Variants in SEL1L observed in about 807,000 individuals in gnomAD.
SEL1L encodes the protein SEL1L adaptor subunit of SYVN1 ubiquitin ligase.
Under a neutral mutation model 109.8 loss-of-function variants are expected in SEL1L, and 52 were observed. That is an observed-to-expected ratio of 0.47 (90% CI 0.38 to 0.60). The LOEUF (loss-of-function observed/expected upper bound fraction) is 0.60, where lower values mean the gene tolerates loss of function less well. Among genes scored for constraint, SEL1L ranks in the 20% least tolerant of loss-of-function variants. The pLI is 0.00. For missense variants in SEL1L, 749 were observed against 962.2 expected, an observed-to-expected ratio of 0.78 and a Z score of 2.93; for synonymous variants, 373 against 339.6, an observed-to-expected ratio of 1.10 and a Z score of -1.08.
At position 81,504,293 on chromosome 14, in the gene SEL1L, A is replaced by G. The variant is rs980785937; in HGVS notation, c.522T>C (p.Ala174=). ...CTTCCTGCATCTGCCGTCTCTTAGC[A>G]GCCTCTTCTTCAGCTAAAAACAAAA... ...KWGFCETEEE[A]AKRRQMQEAE... is the part of the protein sequence containing the mutation. The change falls in exon 5 of 21, where the codon GCT becomes GCC. Residue 174 remains alanine, a synonymous_variant. Transcript: ENST00000336735. The G allele has an allele frequency of 1.9e-6, 3 of 1,593,624 alleles. No homozygotes were observed. Among genetic ancestry groups the G allele is most frequent in the Admixed American group, 1.8e-5 (1 of 56,552 alleles).
At chr14:81,500,811 T>C (rs207475010) in intron 6 of SEL1L, among the ~76,000 whole-genome samples, 1 of 152,098 alleles carries the variant, frequency 6.6e-6, no homozygotes, top group Admixed American at 6.6e-5. Flanking sequence ...AAAAGGCTGC[T>C]CTACAATGTT....
chr14:81,517,937 TTC>T (rs200467483), intron 3 of SEL1L, among the ~76,000 whole-genome samples: 4 of 151,942 alleles, frequency 2.6e-5, no homozygotes, highest in African/African-American at 7.2e-5. Context: ...GAACTTCTTC[TTC>T]TTTTTTTTTG....
At chr14:81,515,877 A>C (rs971791160) in intron 3 of SEL1L, among the ~76,000 whole-genome samples, 1 of 152,204 alleles carries the variant, frequency 6.6e-6, no homozygotes, top group Non-Finnish European at 1.5e-5. Flanking sequence ...CAAGAGGAAC[A>C]GGCCAAAAAG....
chr14:81,484,084 C>T, intron 19 of SEL1L, 141 bp downstream of exon 19: 1 of 834,040 alleles, frequency 1.2e-6, no homozygotes, highest in African/African-American at 1.7e-5. Flanking sequence ...GGGCAGTCTT[C>T]TGAAATATTA....
rs1188853675 is a variant in SEL1L, at chr14:81,495,185, C to T, written c.1129-48G>A. On this transcript the variant is annotated intron_variant, in intron 10 of 20. Transcript: ENST00000336735. ...CAAAAGTAAGTGGTACCATCTGGCA[C>T]ACAATTAAAATCAGACCAACAAGAA... is the stretch of plus-strand genomic sequence containing the variant. 2.6e-6 allele frequency: 4 copies of T among 1,541,456 alleles called. No homozygotes were observed. In the African/African-American group the frequency reaches 4.1e-5, roughly 16 times the overall value.
rs77868866 is a variant in SEL1L, at chr14:81,512,881, G to A, written c.341-6640C>T. 9.9e-3 allele frequency among the ~76,000 whole-genome samples: 1,506 copies of A among 152,294 alleles called. 22 individuals carry two copies. The highest frequency in any genetic ancestry group is 0.034 in the African/African-American group (1,418 of 41,530). ...TGATATGCAGAAAACAGTTAACACA[G>A]CAAGCCTGACTAGTTATCTTTTGAA... On this transcript the variant is annotated intron_variant, in intron 3 of 20. Transcript: ENST00000336735.
At chr14:81,480,596 G>A (rs1284228915) in intron 19 of SEL1L, among the ~76,000 whole-genome samples, 1 of 152,120 alleles carries the variant, frequency 6.6e-6, no homozygotes, top group Non-Finnish European at 1.5e-5. Flanking sequence ...GCGCCTGCCT[G>A]TAGTCCCAGC....
chr14:81,499,214 T>G (rs1445762611), intron 8 of SEL1L: 1 of 1,202,464 alleles, frequency 8.3e-7, no homozygotes, highest in Non-Finnish European at 1.0e-6. Flanking sequence ...TTATCAGATC[T>G]CTCTTTTTAG....
At chr14:81,528,203 T>C (rs1885187216) in intron 1 of SEL1L, among the ~76,000 whole-genome samples, 1 of 152,216 alleles carries the variant, frequency 6.6e-6, no homozygotes, top group Non-Finnish European at 1.5e-5. Flanking sequence ...TTGTATTGTT[T>C]ACTACTATAG....
At chr14:81,518,462 C>T (rs967691834) in intron 3 of SEL1L, among the ~76,000 whole-genome samples, 2 of 151,412 alleles carry the variant, frequency 1.3e-5, no homozygotes, top group Non-Finnish European at 2.9e-5. Flanking sequence ...GAGTTCGAGA[C>T]CAGCCTGGCC....
chr14:81,529,729 A>G (rs752341225), intron 1 of SEL1L, among the ~76,000 whole-genome samples: 5 of 152,202 alleles, frequency 3.3e-5, no homozygotes, highest in Non-Finnish European at 7.3e-5. Context: ...CTCAGTTACT[A>G]AACTGGGAAA....
chr14:81,492,986 A>G (rs1053663959), intron 11 of SEL1L, among the ~76,000 whole-genome samples: 2 of 152,230 alleles, frequency 1.3e-5, no homozygotes, highest in African/African-American at 2.4e-5. Context: ...AAAGGAATAC[A>G]TTCCTCTTGT....
intron 19 of SEL1L, among the ~76,000 whole-genome samples, chr14:81,481,303 G>A (rs901947636): frequency 6.6e-6 from 1 of 152,012 alleles, no homozygotes; most frequent in Non-Finnish European, 1.5e-5. Context: ...AGGAAGAAAG[G>A]TTAAAGACCA....
chr14:81,530,739 C>T (rs111689268), intron 1 of SEL1L, among the ~76,000 whole-genome samples: 10 of 152,260 alleles, frequency 6.6e-5, no homozygotes, highest in African/African-American at 2.4e-4. Flanking sequence ...AGCCATGTGT[C>T]AATGACGAGG....
chr14:81,497,258 A>G (rs1883801301), intron 10 of SEL1L, among the ~76,000 whole-genome samples: 1 of 152,214 alleles, frequency 6.6e-6, no homozygotes, highest in Non-Finnish European at 1.5e-5. Context: ...TAAGTATCTA[A>G]TGCTCATCTG....
Position 81,526,755 on chromosome 14 carries a change from C to T in SEL1L, c.318G>A (p.Glu106=). Residue 106 remains glutamate, a synonymous_variant, in exon 3 of 21, where the codon GAG becomes GAA. Transcript: ENST00000336735. ...TACCTGGTTTCCGTACTTTCTTTGGCTCTTCATAGTCCTTGTTTTCTGGAT... is the reference window on the plus strand; with the variant it reads ...TACCTGGTTTCCGTACTTTCTTTGGTTCTTCATAGTCCTTGTTTTCTGGAT... ...SPNPENKDYE[E]PKKVRKPALT... The T allele has an allele frequency of 6.2e-7, 1 of 1,612,306 alleles. No individual in the cohort carries two copies.
chr14:81,486,049 T>C (rs901851069), intron 17 of SEL1L, among the ~76,000 whole-genome samples: 2 of 152,170 alleles, frequency 1.3e-5, no homozygotes, highest in Non-Finnish European at 2.9e-5. Flanking sequence ...TTTTGAAAAA[T>C]ACATTTATGC....
At chr14:81,517,366 G>A (rs1359649904) in intron 3 of SEL1L, among the ~76,000 whole-genome samples, 1 of 152,120 alleles carries the variant, frequency 6.6e-6, no homozygotes, top group Admixed American at 6.6e-5. Flanking sequence ...CCCAAGGATG[G>A]GCCAAACCAA....
Position 81,489,316 on chromosome 14 carries a change from T to C in SEL1L, c.1333-2A>G, listed in dbSNP as rs1883454363. ...CCCACTCTGTCCAACTGGGTTGCCCTGCAAAGCAGAGAAATCAGACAAAAG... is the reference window on the plus strand; with the variant it reads ...CCCACTCTGTCCAACTGGGTTGCCCCGCAAAGCAGAGAAATCAGACAAAAG... On this transcript the variant is annotated splice_acceptor_variant, in intron 13 of 20. Transcript: ENST00000336735. LOFTEE classifies it high-confidence loss of function. 6.2e-7 allele frequency: 1 copy of C among 1,613,394 alleles called. No individual in the cohort carries two copies. The highest frequency in any genetic ancestry group is 8.5e-7 in the Non-Finnish European group (1 of 1,179,510).
Sources: gnomAD v4.1 joint callset for allele counts (sites outside exome capture counted in the v4.1 genomes callset) on GRCh38, gnomAD v4.1.1 for gene constraint, MANE v1.5 for transcripts, NCBI Gene and HGNC (gene_info 2026-07-23, HGNC 2026-07-21) for gene names.